FAT3: variants seen among roughly 807,000 people sequenced by gnomAD.
FAT3 encodes the protein FAT atypical cadherin 3.
In FAT3, 95 loss-of-function variants were observed where a neutral mutation model predicts 310.2. The observed-to-expected ratio is 0.31, with a 90% CI of 0.26 to 0.36. FAT3 has a LOEUF of 0.36. Among genes scored for constraint, FAT3 ranks in the 10% least tolerant of loss-of-function variants. FAT3 has a pLI of 1.00. For missense variants in FAT3, 5,408 were observed against 5,715.6 expected, an observed-to-expected ratio of 0.95 and a Z score of 1.74; for synonymous variants, 2,314 against 2,192.9, an observed-to-expected ratio of 1.06 and a Z score of -1.54.
At chr11:92,270,573 C>G (rs977973190) in intron 1 of FAT3, among the ~76,000 whole-genome samples, 17 of 151,898 alleles carry the variant, frequency 1.1e-4, no homozygotes, top group Non-Finnish European at 2.1e-4. Context: ...GTAATCCCAG[C>G]TACTCAGGAG....
chr11:92,331,796 A>G (rs1454541221), intron 1 of FAT3, among the ~76,000 whole-genome samples: 1 of 152,238 alleles, frequency 6.6e-6, no homozygotes, highest in Non-Finnish European at 1.5e-5. Context: ...TTGACTAAAA[A>G]TAGTTTTGGC....
intron 1 of FAT3, among the ~76,000 whole-genome samples, chr11:92,243,317 C>G (rs1864743479): frequency 6.6e-6 from 1 of 151,976 alleles, no homozygotes; most frequent in East Asian, 1.9e-4. Context: ...GTCATTGTTT[C>G]CATTACCACA....
intron 4 of FAT3, among the ~76,000 whole-genome samples, chr11:92,700,286 G>C (rs1239029985): frequency 6.6e-6 from 1 of 152,152 alleles, no homozygotes. Flanking sequence ...GATGGGAGCG[G>C]AGGTTATAGG....
chr11:92,834,516 A>T (rs1277327546), intron 14 of FAT3, among the ~76,000 whole-genome samples: 1 of 152,182 alleles, frequency 6.6e-6, no homozygotes, highest in Non-Finnish European at 1.5e-5. Context: ...TCCTCTGTCC[A>T]CCTGAGGAAT....
At chr11:92,416,419 C>T (rs1950415813) in intron 2 of FAT3, among the ~76,000 whole-genome samples, 1 of 151,694 alleles carries the variant, frequency 6.6e-6, no homozygotes, top group Non-Finnish European at 1.5e-5. Context: ...AAAAAACCTT[C>T]CACGTTAACA....
At chr11:92,566,647 G>C (rs1343837490) in intron 3 of FAT3, among the ~76,000 whole-genome samples, 1 of 150,570 alleles carries the variant, frequency 6.6e-6, no homozygotes, top group East Asian at 2.0e-4. Context: ...ATACTACAAG[G>C]CTACAGTAAC....
intron 1 of FAT3, among the ~76,000 whole-genome samples, chr11:92,279,039 T>C (rs941967413): frequency 1.3e-4 from 20 of 152,098 alleles, no homozygotes; most frequent in Non-Finnish European, 2.9e-4. Flanking sequence ...GAAATGGCCA[T>C]ACCAAGTGGG....
chr11:92,785,146 A>G (rs914805601), intron 7 of FAT3, among the ~76,000 whole-genome samples: 2 of 152,092 alleles, frequency 1.3e-5, no homozygotes, highest in Non-Finnish European at 2.9e-5. Flanking sequence ...TAGCACCACC[A>G]TTTGTCTCTC....
chr11:92,538,077 C>T (rs1954318565), intron 3 of FAT3, among the ~76,000 whole-genome samples: 1 of 152,102 alleles, frequency 6.6e-6, no homozygotes, highest in African/African-American at 2.4e-5. Context: ...TGATCTCCAG[C>T]ATGTATGTGA....
intron 9 of FAT3, among the ~76,000 whole-genome samples, chr11:92,794,099 T>C (rs980333265): frequency 6.6e-6 from 1 of 152,184 alleles, no homozygotes; most frequent in Non-Finnish European, 1.5e-5. Context: ...CTATTTTTTT[T>C]CTAGGTTTCC....
chr11:92,775,803 C>A (rs1946583547), intron 7 of FAT3, among the ~76,000 whole-genome samples: 1 of 152,088 alleles, frequency 6.6e-6, no homozygotes, highest in Non-Finnish European at 1.5e-5. Context: ...CAGCCAGGGT[C>A]GAGGACCCCA....
intron 1 of FAT3, among the ~76,000 whole-genome samples, chr11:92,325,741 C>T (rs1484743841): frequency 4.6e-5 from 7 of 152,206 alleles, no homozygotes; most frequent in Non-Finnish European, 1.0e-4. Flanking sequence ...AATTGATTCT[C>T]CTGCCTCAGT....
intron 4 of FAT3, among the ~76,000 whole-genome samples, chr11:92,750,525 A>G (rs1423179956): frequency 6.6e-6 from 1 of 152,220 alleles, no homozygotes; most frequent in Non-Finnish European, 1.5e-5. Flanking sequence ...ATGGCTGAGG[A>G]AAGCAGAAAC....
chr11:92,729,582 G>A (rs1350476084), intron 4 of FAT3, among the ~76,000 whole-genome samples: 1 of 151,612 alleles, frequency 6.6e-6, no homozygotes, highest in Non-Finnish European at 1.5e-5. Flanking sequence ...GCGTGCCCCC[G>A]TGCCTGGCTA....
intron 2 of FAT3, among the ~76,000 whole-genome samples, chr11:92,435,499 C>T (rs1591287740): frequency 6.8e-6 from 1 of 146,076 alleles, no homozygotes; most frequent in Admixed American, 6.9e-5. Context: ...TCCTTCCTTC[C>T]TTCCTTCCTT....
Position 92,835,058 on chromosome 11 carries a change from G to C in FAT3, c.10060G>C (p.Ala3354Pro), listed in dbSNP as rs1214251877. ...CTACAGTGCGGTTATCAGTGAAGAC[G>C]CCTTGGTGGGAGACTCTGTCATTTT... ...DVYSAVISED[A>P]LVGDSVILLI... is the part of the protein sequence containing the mutation. The change falls in exon 15 of 28, where the codon GCC (alanine) becomes CCC (proline). Residue 3354 changes from alanine to proline, a missense_variant. Ala to Pro is a conservative substitution (Grantham distance 27). Around this residue, in one of 5 missense-constraint regions of FAT3, gnomAD observed 4,588 missense variants for 4,809.8 expected, o/e 0.95. Transcript: ENST00000525166. 1 of 1,612,874 alleles carries C rather than the reference G, an allele frequency of 6.2e-7. No individual in the cohort carries two copies. Among genetic ancestry groups the C allele is most frequent in the Non-Finnish European group, 8.5e-7 (1 of 1,179,622 alleles).
intron 3 of FAT3, among the ~76,000 whole-genome samples, chr11:92,547,901 C>T (rs1954666192): frequency 6.6e-6 from 1 of 152,154 alleles, no homozygotes; most frequent in Admixed American, 6.5e-5. Flanking sequence ...GAGGGCTGTG[C>T]AGAGGCTCTG....
At chr11:92,480,208 C>G (rs548986100) in intron 2 of FAT3, among the ~76,000 whole-genome samples, 1 of 151,922 alleles carries the variant, frequency 6.6e-6, no homozygotes, top group South Asian at 2.1e-4. Flanking sequence ...GAGCTTACCG[C>G]GAGCCGAGAT....
In FAT3 at chr11:92,837,696, G is replaced by A. The variant is rs775816237; in HGVS notation, c.10258G>A (p.Asp3420Asn). The stretch of plus-strand genomic sequence containing the variant: ...ATACTCTCTGCTTGTCCAGGCCGTA[G>A]ACAGTGGCATTCCTGCAATGTCATC... ...SGYSLLVQAV[D>N]SGIPAMSSTA... Residue 3420 changes from aspartate (D) to asparagine (N), a missense_variant, in exon 17 of 28, where the codon GAC (aspartate) becomes AAC (asparagine). Transcript: ENST00000525166. The A allele has an allele frequency of 6.2e-7, 1 of 1,613,898 alleles. No homozygotes were observed. The highest frequency in any genetic ancestry group is 1.1e-5 in the South Asian group (1 of 91,070).
Sources: gnomAD v4.1 joint callset for allele counts (sites outside exome capture counted in the v4.1 genomes callset) on GRCh38, gnomAD v4.1.1 for gene constraint, gnomAD v4.1.1 regional missense constraint, MANE v1.5 for transcripts, NCBI Gene and HGNC (gene_info 2026-07-23, HGNC 2026-07-21) for gene names.